The following CUTC variants were observed in gnomAD, a reference collection of about 807,000 sequenced individuals.
CUTC encodes cutC copper transporter, also known as copper homeostasis protein cutC homolog.
CUTC carries 27 observed loss-of-function variants against 36.2 expected under a neutral mutation model. The observed-to-expected ratio is 0.75, with a 90% CI of 0.55 to 1.03. The LOEUF (loss-of-function observed/expected upper bound fraction) is 1.03, where lower values mean the gene tolerates loss of function less well. Among genes scored for constraint, CUTC ranks in the 50% least tolerant of loss-of-function variants. The pLI is 0.00. For synonymous variants in CUTC, 114 were observed against 118.3 expected (o/e 0.96, Z 0.24); for missense variants, 315 against 343.5 (o/e 0.92, Z 0.66).
intron 8 of CUTC, among the ~76,000 whole-genome samples, chr10:99,755,095 G>GTAT (rs2037445095): frequency 6.6e-6 from 1 of 152,136 alleles, no homozygotes; most frequent in Admixed American, 6.5e-5. Context: ...GAAATTGTGA[G>GTAT]TATTATATGG....
intron 7 of CUTC, among the ~76,000 whole-genome samples, chr10:99,752,222 AC>A (rs1030557005): frequency 6.6e-6 from 1 of 152,064 alleles, no homozygotes; most frequent in South Asian, 2.1e-4. Flanking sequence ...CTTTACCAAA[AC>A]GTAAAAAAAT....
At chr10:99,732,702 C>A in intron 1 of CUTC, 1 of 1,193,208 alleles carries the variant, frequency 8.4e-7, no homozygotes, top group Non-Finnish European at 1.1e-6. Flanking sequence ...TTTTTTCCGT[C>A]GCCACACGAG....
chr10:99,754,609 A>G lies in CUTC; in HGVS notation c.682A>G (p.Thr228Ala), dbSNP rs765659684. 5.0e-6 allele frequency: 8 copies of G among 1,612,666 alleles called. No homozygotes were observed. In the Admixed American group the frequency reaches 6.7e-5, roughly 13 times the overall value. ...AGAATTCCACTGTTCTGCTCGGTCT[A>G]CTAGAGACTCGGGAATGAAGTTTCG... Reference protein sequence around the residue: ...ATEFHCSARSTRDSGMKFRNS... With the variant: ...ATEFHCSARSARDSGMKFRNS... Residue 228 changes from threonine (T) to alanine (A), a missense_variant, in exon 8 of 9, where the codon ACT becomes GCT. Thr to Ala is a moderately conservative substitution (Grantham distance 58). Coordinates refer to ENST00000370476, the MANE Select transcript of CUTC (RefSeq NM_015960.3).
At chr10:99,740,435 T>A (rs201644595) in intron 3 of CUTC, among the ~76,000 whole-genome samples, 1 of 518 alleles carries the variant, frequency 1.9e-3, no homozygotes, top group Non-Finnish European at 0.015. Context: ...GGTTGACAGG[T>A]TTTTTTTTTC....
chr10:99,754,019 A>C (rs1367165946), intron 7 of CUTC, among the ~76,000 whole-genome samples: 2 of 152,258 alleles, frequency 1.3e-5, no homozygotes, highest in Non-Finnish European at 2.9e-5. Flanking sequence ...GTTTTAATAA[A>C]GTAGAATCAG....
In CUTC at chr10:99,755,769, C is replaced by T. The variant is rs2037452787; in HGVS notation, c.*30C>T. ...ACCTCTCTGAGAGACATGGATATCACAGGATGAAGGTAGAACTATAATCTG... is the reference window on the plus strand; with the variant it reads ...ACCTCTCTGAGAGACATGGATATCATAGGATGAAGGTAGAACTATAATCTG... On this transcript the variant is annotated 3_prime_UTR_variant, in exon 9 of 9. Coordinates refer to ENST00000370476, the MANE Select transcript of CUTC (RefSeq NM_015960.3). The T allele has an allele frequency of 2.2e-6, 3 of 1,375,220 alleles. No homozygotes were observed. Among genetic ancestry groups the T allele is most frequent in the African/African-American group, 1.4e-5 (1 of 70,188 alleles). 85.2% of individuals were successfully genotyped at this position (1,375,220 alleles called of 1,614,324 possible).
intron 8 of CUTC, among the ~76,000 whole-genome samples, chr10:99,755,319 C>T (rs1223961003): frequency 1.4e-5 from 2 of 147,584 alleles, no homozygotes; most frequent in Non-Finnish European, 3.0e-5. Flanking sequence ...GACACCCCAT[C>T]TCTACTAAAA....
At position 99,744,046 on chromosome 10, in the gene CUTC, GC is replaced by G; in HGVS notation, c.416del (p.Pro139LeufsTer24). The G allele has an allele frequency of 1.2e-6, 2 of 1,611,560 alleles. No homozygotes were observed. The highest frequency in any genetic ancestry group is 4.5e-5 in the East Asian group (2 of 44,826). ...GACTTTCTTTTTATAGCTATTTGCCGCCCTCTGCCAGTCACTTTCCACCGAG... is the reference window on the plus strand; with the variant it reads ...GACTTTCTTTTTATAGCTATTTGCCGCCTCTGCCAGTCACTTTCCACCGAG... ...ELCMSLMAIC[R>X]PLPVTFHRAF... On this transcript the variant is annotated frameshift_variant, in exon 5 of 9. Transcript: ENST00000370476. LOFTEE classifies it high-confidence loss of function.
chr10:99,752,758 TAACA>T (rs1161278403), intron 7 of CUTC, among the ~76,000 whole-genome samples: 1 of 152,230 alleles, frequency 6.6e-6, no homozygotes, highest in Non-Finnish European at 1.5e-5. Context: ...TTAATTTCTT[TAACA>T]AACCTTATCA....
intron 3 of CUTC, among the ~76,000 whole-genome samples, chr10:99,740,055 A>G (rs189726668): frequency 3.3e-5 from 5 of 152,352 alleles, no homozygotes; most frequent in Non-Finnish European, 5.9e-5. Context: ...TGGCATCCTT[A>G]GTATATTGAA....
At chr10:99,739,635 A>G in intron 2 of CUTC, 75 bp from the exon 3 acceptor site, 1 of 1,339,500 alleles carries the variant, frequency 7.5e-7, no homozygotes, top group Non-Finnish European at 1.1e-6. Flanking sequence ...TTTGGAAAAA[A>G]TATATATAAA....
At chr10:99,745,914 A>G (rs1045980712) in intron 5 of CUTC, among the ~76,000 whole-genome samples, 33 of 152,244 alleles carry the variant, frequency 2.2e-4, no homozygotes, top group Non-Finnish European at 1.5e-4. Context: ...GAAAACAACT[A>G]CCCTTATGCT....
At chr10:99,736,874 G>T (rs1167866914) in intron 2 of CUTC, among the ~76,000 whole-genome samples, 1 of 152,162 alleles carries the variant, frequency 6.6e-6, no homozygotes, top group Non-Finnish European at 1.5e-5. Context: ...TATTTCAGGG[G>T]TCAATAAACT....
intron 3 of CUTC, 98 bp from the exon 4 acceptor site, chr10:99,743,055 C>A: frequency 8.7e-7 from 1 of 1,143,672 alleles, no homozygotes; most frequent in Non-Finnish European, 1.3e-6. Flanking sequence ...CAGTGTCTGT[C>A]CTACCTTTTA....
At chr10:99,738,440 A>C (rs1237902271) in intron 2 of CUTC, among the ~76,000 whole-genome samples, 1 of 148,408 alleles carries the variant, frequency 6.7e-6, no homozygotes, top group Non-Finnish European at 1.5e-5. Context: ...AGTTCTTTGA[A>C]TCAAGAGCCA....
In CUTC at chr10:99,735,101, CAAAAAAAAAAAAAA is replaced by C. The variant is rs56971127; in HGVS notation, c.62-1133_62-1120del. ...TGGGCGACAGAGCAAGACTCTGTAT[CAAAAAAAAAAAAAA>C]AAAAAAAAAAACAAACTTAGGAACT... On this transcript the variant is annotated intron_variant, in intron 1 of 8. Coordinates refer to ENST00000370476, the MANE Select transcript of CUTC (RefSeq NM_015960.3). 9.4e-4 allele frequency among the ~76,000 whole-genome samples: 65 copies of C among 68,796 alleles called. 5 individuals are homozygous for C. In the South Asian group the frequency reaches 0.042, roughly 44 times the overall value. 45.1% of individuals were successfully genotyped at this position (68,796 alleles called of 152,430 possible). A position where few individuals can be genotyped will look rare whatever the true frequency, so the allele number is the denominator to read the frequency against.
At position 99,755,804 on chromosome 10, in the gene CUTC, A is replaced by T; in HGVS notation, c.*65A>T. The T allele has an allele frequency of 9.5e-7, 1 of 1,050,066 alleles. No homozygotes were observed. Among genetic ancestry groups the T allele is most frequent in the South Asian group, 1.3e-5 (1 of 75,092 alleles). 65.0% of individuals were successfully genotyped at this position (1,050,066 alleles called of 1,614,324 possible). On this transcript the variant is annotated 3_prime_UTR_variant, in exon 9 of 9. Coordinates refer to ENST00000370476, the MANE Select transcript of CUTC (RefSeq NM_015960.3). The stretch of plus-strand genomic sequence containing the variant: ...GTAGAACTATAATCTGCAATTCTCT[A>T]TGACACAGCTTTAACCTTCTTCTCT...
chr10:99,747,594 T>C (rs560435355), intron 6 of CUTC, among the ~76,000 whole-genome samples: 1 of 152,384 alleles, frequency 6.6e-6, no homozygotes, highest in East Asian at 1.9e-4. Context: ...AAATTACATA[T>C]AGATAGTGCC....
chr10:99,735,834 A>G (rs946384984), intron 1 of CUTC, among the ~76,000 whole-genome samples: 1 of 152,234 alleles, frequency 6.6e-6, no homozygotes, highest in Admixed American at 6.5e-5. Flanking sequence ...TAACTAATCT[A>G]GGATCTCACA....
Sources: allele counts gnomAD v4.1 joint callset (sites outside exome capture counted in the v4.1 genomes callset), GRCh38; gene constraint gnomAD v4.1.1; transcripts MANE v1.5; gene names NCBI Gene and HGNC (gene_info 2026-07-23, HGNC 2026-07-21).